GADL1: variants seen among roughly 807,000 people sequenced by gnomAD.
GADL1 encodes GAD like acidic amino acid decarboxylase 1.
GADL1 carries 71 observed loss-of-function variants against 69.5 expected under a neutral mutation model. The observed-to-expected ratio is 1.02, with a 90% CI of 0.84 to 1.25. GADL1 has a LOEUF of 1.25. Among genes scored for constraint, GADL1 ranks in the 50% most tolerant of loss-of-function variants. The pLI is 0.00. For synonymous variants in GADL1, 254 were observed against 214.4 expected, an observed-to-expected ratio of 1.18 and a Z score of -1.62; for missense variants, 737 against 631.8, an observed-to-expected ratio of 1.17 and a Z score of -1.79.
rs757345337 is a variant in GADL1, at chr3:30,778,227, G to A, written c.1344C>T (p.Ser448=). The change falls in exon 14 of 15, where the codon AGC becomes AGT. Residue 448 remains serine, a synonymous_variant. Transcript: ENST00000282538. ...ANICFWYIPP[S]LREMEEGPEF... ...CGGGTCCTTCTTCCATCTCTCTGAG[G>A]CTCGGTGGAATGTACCAAAAGCAAA... 6.2e-7 allele frequency: 1 copy of A among 1,612,402 alleles called. No individual in the cohort carries two copies.
At chr3:30,733,434 G>T (rs1230309625) in intron 14 of GADL1, among the ~76,000 whole-genome samples, 1 of 152,106 alleles carries the variant, frequency 6.6e-6, no homozygotes, top group Non-Finnish European at 1.5e-5. Flanking sequence ...GTCAACTTGA[G>T]GAGAGTTCTG....
chr3:30,802,210 T>G (rs1697178582), intron 11 of GADL1, among the ~76,000 whole-genome samples: 1 of 152,190 alleles, frequency 6.6e-6, no homozygotes, highest in Non-Finnish European at 1.5e-5. Flanking sequence ...GGTCCTGTGC[T>G]TTCCGCATGC....
Position 30,834,275 on chromosome 3 carries a change from A to G in GADL1, c.910T>C (p.Trp304Arg). The change falls in exon 10 of 15, where the codon TGG becomes CGG. Residue 304 changes from tryptophan (W) to arginine (R), a missense_variant. By Grantham distance (101) the Trp-to-Arg change is moderately radical. Transcript: ENST00000282538. ...CTCGACATCAAAGCTGAGCCACCCC[A>G]AGAAGCCTGTTGAGATATTTACAGT... The part of the protein sequence containing the change: ...HSLWLHVDAS[W>R]GGSALMSRKH... 1.2e-6 allele frequency: 2 copies of G among 1,612,278 alleles called. No homozygotes were observed. The highest frequency in any genetic ancestry group is 8.5e-7 in the Non-Finnish European group (1 of 1,178,696).
intron 14 of GADL1, among the ~76,000 whole-genome samples, chr3:30,745,846 T>C (rs1198297486): frequency 6.6e-6 from 1 of 152,170 alleles, no homozygotes; most frequent in Non-Finnish European, 1.5e-5. Context: ...AAAATTTATC[T>C]TCCTAGGCCT....
At chr3:30,753,637 T>TTG (rs386396262) in intron 14 of GADL1, among the ~76,000 whole-genome samples, 1 of 51,226 alleles carries the variant, frequency 2.0e-5, no homozygotes, top group Non-Finnish European at 3.9e-5. Flanking sequence ...AAGATCACTC[T>TTG]TGTTTACTTG....
chr3:30,871,188 A>G (rs961748707), intron 1 of GADL1, among the ~76,000 whole-genome samples: 5 of 151,656 alleles, frequency 3.3e-5, no homozygotes, highest in African/African-American at 7.3e-5. Flanking sequence ...ACTTCAGTAG[A>G]AACTGAGGAG....
At chr3:30,755,713 C>T (rs1017992153) in intron 14 of GADL1, among the ~76,000 whole-genome samples, 1 of 148,644 alleles carries the variant, frequency 6.7e-6, no homozygotes, top group Non-Finnish European at 1.5e-5. Context: ...TAGTGTCTGA[C>T]ACATTGGAAA....
chr3:30,832,449 A>G (rs1285251107), intron 11 of GADL1, among the ~76,000 whole-genome samples: 2 of 152,056 alleles, frequency 1.3e-5, no homozygotes, highest in Non-Finnish European at 1.5e-5. Context: ...ATATCAGTTA[A>G]TAAGAAAAGT....
chr3:30,830,408 G>A (rs148650465), intron 11 of GADL1, among the ~76,000 whole-genome samples: 141 of 151,986 alleles, frequency 9.3e-4, no homozygotes, highest in Non-Finnish European at 1.6e-3. Context: ...AATGTCTTTC[G>A]TTATGGGGAA....
At chr3:30,831,632 C>T (rs939697410) in intron 11 of GADL1, among the ~76,000 whole-genome samples, 6 of 151,898 alleles carry the variant, frequency 4.0e-5, no homozygotes, top group African/African-American at 1.4e-4. Flanking sequence ...GGGTAATTGC[C>T]TTATGGTAAC....
chr3:30,863,916 C>A (rs1326965459), intron 1 of GADL1, among the ~76,000 whole-genome samples: 1 of 152,020 alleles, frequency 6.6e-6, no homozygotes, highest in Non-Finnish European at 1.5e-5. Context: ...AAAAATGTTA[C>A]AGGAAGATCC....
intron 1 of GADL1, among the ~76,000 whole-genome samples, chr3:30,883,527 A>G (rs1698668774): frequency 6.6e-6 from 1 of 151,926 alleles, no homozygotes; most frequent in African/African-American, 2.4e-5. Flanking sequence ...TTATGCTAGT[A>G]CCACAGTCTT....
chr3:30,748,792 A>G (rs532893076), intron 14 of GADL1, among the ~76,000 whole-genome samples: 6 of 152,310 alleles, frequency 3.9e-5, no homozygotes, highest in Admixed American at 1.3e-4. Context: ...GCTGAATATA[A>G]TTCAACCGTT....
intron 12 of GADL1, among the ~76,000 whole-genome samples, chr3:30,788,260 G>A (rs1184292652): frequency 1.3e-5 from 2 of 152,274 alleles, no homozygotes; most frequent in Non-Finnish European, 2.9e-5. Flanking sequence ...TCCCTCGGGG[G>A]TATTGTAGGT....
At chr3:30,834,944 G>C in intron 9 of GADL1, among the ~76,000 whole-genome samples, 1 of 152,058 alleles carries the variant, frequency 6.6e-6, no homozygotes, top group East Asian at 1.9e-4. Flanking sequence ...AAATACAAAA[G>C]TCAGTATGCT....
chr3:30,885,053 A>G (rs1698685294), intron 1 of GADL1, among the ~76,000 whole-genome samples: 2 of 152,058 alleles, frequency 1.3e-5, no homozygotes, highest in Admixed American at 6.6e-5. Context: ...TTCAATACCA[A>G]CTTAACCAAA....
intron 14 of GADL1, among the ~76,000 whole-genome samples, chr3:30,756,808 G>C (rs565034988): frequency 8.5e-5 from 13 of 152,238 alleles, no homozygotes; most frequent in African/African-American, 2.6e-4. Flanking sequence ...CTGATGGCTT[G>C]TCTCTCTTAC....
chr3:30,830,570 CTCTA>C (rs1301974615), intron 11 of GADL1, among the ~76,000 whole-genome samples: 4 of 151,870 alleles, frequency 2.6e-5, no homozygotes, highest in Non-Finnish European at 4.4e-5. Context: ...ATCCTTCCTC[CTCTA>C]TCTAATCTCT....
chr3:30,742,655 G>C (rs1038432440), intron 14 of GADL1, among the ~76,000 whole-genome samples: 2 of 151,958 alleles, frequency 1.3e-5, no homozygotes, highest in African/African-American at 4.8e-5. Context: ...TTAACTCATG[G>C]TGGTCAAGCC....
Sources: allele counts gnomAD v4.1 joint callset (sites outside exome capture counted in the v4.1 genomes callset), GRCh38; gene constraint gnomAD v4.1.1; transcripts MANE v1.5; gene names NCBI Gene and HGNC (gene_info 2026-07-23, HGNC 2026-07-21).